SYNGR1: variants seen among roughly 807,000 people sequenced by gnomAD.
SYNGR1 encodes the protein synaptogyrin-1.
A neutral mutation model predicts 26.1 loss-of-function variants in SYNGR1; 14 were observed. That is an observed-to-expected ratio of 0.54 (90% CI 0.35 to 0.84). SYNGR1 has a LOEUF of 0.84. Ranked by LOEUF, SYNGR1 falls within the 40% of genes least tolerant of loss-of-function variation. The pLI is 0.01. For synonymous variants in SYNGR1, 141 were observed against 150.1 expected (o/e 0.94, Z 0.44); for missense variants, 319 against 332.9 (o/e 0.96, Z 0.33).
At chr22:39,365,182 C>CT (rs1924679748) in intron 1 of SYNGR1, among the ~76,000 whole-genome samples, 2 of 152,196 alleles carry the variant, frequency 1.3e-5, no homozygotes, top group Non-Finnish European at 2.9e-5. Flanking sequence ...TCCCCAGTGT[C>CT]TCGGCTGCTG....
chr22:39,380,367 C>G (rs1349930597), intron 3 of SYNGR1, among the ~76,000 whole-genome samples: 1 of 152,116 alleles, frequency 6.6e-6, no homozygotes, highest in African/African-American at 2.4e-5. Flanking sequence ...TGGTCCAGGG[C>G]TGGCATACTG....
intron 1 of SYNGR1, among the ~76,000 whole-genome samples, chr22:39,364,768 A>G (rs918087268): frequency 6.6e-6 from 1 of 152,162 alleles, no homozygotes; most frequent in African/African-American, 2.4e-5. Flanking sequence ...AGATCAGGGT[A>G]GGCCACAAAG....
At chr22:39,379,114 A>AG (rs1022000729) in intron 3 of SYNGR1, among the ~76,000 whole-genome samples, 3 of 152,118 alleles carry the variant, frequency 2.0e-5, no homozygotes, top group African/African-American at 7.2e-5. Context: ...GTGTACCCTC[A>AG]GGGGGCTCTT....
intron 1 of SYNGR1, among the ~76,000 whole-genome samples, chr22:39,368,240 T>G (rs1363918851): frequency 6.6e-6 from 1 of 152,192 alleles, no homozygotes; most frequent in Non-Finnish European, 1.5e-5. Flanking sequence ...GCATCCTTGG[T>G]TTCGGTGCTA....
intron 3 of SYNGR1, among the ~76,000 whole-genome samples, chr22:39,380,592 T>C (rs1335203031): frequency 6.7e-6 from 1 of 150,052 alleles, no homozygotes; most frequent in African/African-American, 2.5e-5. Flanking sequence ...AGAGATGGGG[T>C]CTTGCTATGT....
Position 39,385,061 on chromosome 22 carries a change from G to T in SYNGR1, c.*3147G>T. 1 of 398,852 alleles carries T rather than the reference G, an allele frequency of 2.5e-6. No homozygotes were observed. The highest frequency in any genetic ancestry group is 1.3e-4 in the South Asian group (1 of 7,796). The allele number at this position is 398,852 out of a possible 1,614,324, so 24.7% of individuals were successfully genotyped here. ...TGATTCTTGATCTTCAAAGCCTCGG[G>T]GATCCCAGGTTTCCCCATGTAACTG... On this transcript the variant is annotated 3_prime_UTR_variant, in exon 4 of 4. Transcript: ENST00000328933.
intron 1 of SYNGR1, among the ~76,000 whole-genome samples, chr22:39,362,493 A>G (rs1168040773): frequency 3.9e-5 from 6 of 152,112 alleles, no homozygotes; most frequent in African/African-American, 1.4e-4. Flanking sequence ...CAGGAAGACA[A>G]GGGGCTGCCC....
chr22:39,353,764 AGAAAG>A (rs1924020389), intron 1 of SYNGR1, among the ~76,000 whole-genome samples: 1 of 152,252 alleles, frequency 6.6e-6, no homozygotes, highest in South Asian at 2.1e-4. Flanking sequence ...CTGATTTAAT[AGAAAG>A]GACCACCTTT....
chr22:39,380,085 G>T (rs937780673), intron 3 of SYNGR1: 1 of 149,032 alleles, frequency 6.7e-6, no homozygotes, highest in Non-Finnish European at 1.5e-5. Context: ...TAATAACAAT[G>T]TAATTGCTTT....
intron 3 of SYNGR1, chr22:39,378,277 G>A (rs1925380975): frequency 1.0e-6 from 1 of 983,442 alleles, no homozygotes; most frequent in Non-Finnish European, 1.2e-6. Context: ...GAACTGAGGG[G>A]TGATAATGGA....
chr22:39,352,507 C>G (rs1923951800), intron 1 of SYNGR1, among the ~76,000 whole-genome samples: 1 of 152,164 alleles, frequency 6.6e-6, no homozygotes, highest in African/African-American at 2.4e-5. Flanking sequence ...GGGTGGTAAT[C>G]ATGTGATACC....
At chr22:39,360,225 C>G (rs1461634210) in intron 1 of SYNGR1, among the ~76,000 whole-genome samples, 1 of 152,194 alleles carries the variant, frequency 6.6e-6, no homozygotes, top group African/African-American at 2.4e-5. Context: ...CATCAGTTCT[C>G]TCTCCCTCTC....
intron 1 of SYNGR1, among the ~76,000 whole-genome samples, chr22:39,373,138 T>TAC (rs10548475): frequency 0.03 from 4,357 of 146,348 alleles, 145 homozygotes; most frequent in East Asian, 0.12. Flanking sequence ...TTCTATTTAA[T>TAC]ACACACACAC....
At chr22:39,361,193 T>C (rs2145613174) in intron 1 of SYNGR1, among the ~76,000 whole-genome samples, 1 of 152,204 alleles carries the variant, frequency 6.6e-6, no homozygotes, top group African/African-American at 2.4e-5. Context: ...GCCTTTCTTC[T>C]CTAGAAGGTG....
chr22:39,375,019 A>G (rs963424178), intron 2 of SYNGR1: 1 of 218,036 alleles, frequency 4.6e-6, no homozygotes, highest in Non-Finnish European at 9.3e-6. Flanking sequence ...TGTGGAGCCA[A>G]CCTGACCTGC....
chr22:39,378,272 G>A, intron 3 of SYNGR1: 3 of 993,324 alleles, frequency 3.0e-6, no homozygotes, highest in Non-Finnish European at 3.6e-6. Flanking sequence ...TACCTGAACT[G>A]AGGGGTGATA....
intron 2 of SYNGR1, 107 bp from the exon 3 acceptor site, chr22:39,375,945 T>G (rs776905866): frequency 6.9e-7 from 1 of 1,445,220 alleles, no homozygotes; most frequent in Non-Finnish European, 9.7e-7. Context: ...GCATGGGAGA[T>G]GCACTCTTGA....
At position 39,350,062 on chromosome 22, in the gene SYNGR1, T is replaced by A. The variant is rs750648147; in HGVS notation, c.52T>A (p.Tyr18Asn). ...AGKAGGAFDP[Y>N]TLVRQPHTIL... is the part of the protein sequence containing the mutation. Reference sequence around the variant, plus strand: ...CAAAGCCGGGGGCGCCTTCGACCCCTACACCCTGGTCCGGCAGCCGCACAC... The same window carrying A: ...CAAAGCCGGGGGCGCCTTCGACCCCAACACCCTGGTCCGGCAGCCGCACAC... The change falls in exon 1 of 4, where the codon TAC becomes AAC. Residue 18 changes from tyrosine to asparagine, a missense_variant. By Grantham distance (143) the Tyr-to-Asn change is moderately radical. Coordinates refer to ENST00000328933, the MANE Select transcript of SYNGR1 (RefSeq NM_004711.5). The surrounding 1 kb of genome is among the most constrained non-coding windows in gnomAD (Gnocchi z 4.3). The A allele has an allele frequency of 6.8e-7, 1 of 1,460,358 alleles. No homozygotes were observed. The highest frequency in any genetic ancestry group is 3.1e-5 in the East Asian group (1 of 32,424). 90.5% of individuals were successfully genotyped at this position (1,460,358 alleles called of 1,614,324 possible).
intron 3 of SYNGR1, chr22:39,377,094 G>T: frequency 6.5e-7 from 1 of 1,548,804 alleles, no homozygotes; most frequent in Non-Finnish European, 8.7e-7. Context: ...CTCTGGACCG[G>T]CGAGCACTTC....
Sources: allele counts gnomAD v4.1 joint callset (sites outside exome capture counted in the v4.1 genomes callset), GRCh38; gene constraint gnomAD v4.1.1; non-coding constraint Gnocchi (gnomAD v3.1); transcripts MANE v1.5; gene names NCBI Gene and HGNC (gene_info 2026-07-23, HGNC 2026-07-21).